Variants in PPFIA2 observed in about 807,000 individuals in gnomAD.
PPFIA2 encodes the protein liprin-alpha-2.
PPFIA2 carries 46 observed loss-of-function variants against 175.5 expected under a neutral mutation model. The ratio of observed to expected loss-of-function variants is 0.26; its 90% CI spans 0.21 to 0.34. The LOEUF is 0.34. PPFIA2 is among the 10% of genes least tolerant of loss of function. The probability of loss-of-function intolerance (pLI) is 1.00; values close to 1 mark genes in which losing one functional copy is unlikely to be tolerated. For synonymous variants in PPFIA2, 568 were observed against 511.4 expected (o/e 1.11, Z -1.49); for missense variants, 1,179 against 1,506.1 (o/e 0.78, Z 3.60).
intron 11 of PPFIA2, 150 bp from the exon 12 acceptor site, chr12:81,369,344 A>T: frequency 6.7e-7 from 1 of 1,490,334 alleles, no homozygotes; most frequent in Non-Finnish European, 8.9e-7. Context: ...GCAGCTGAAC[A>T]GCATTGCTTG....
intron 4 of PPFIA2, among the ~76,000 whole-genome samples, chr12:81,591,126 T>C (rs2058625083): frequency 1.1e-5 from 1 of 89,686 alleles, no homozygotes; most frequent in Non-Finnish European, 2.4e-5. Flanking sequence ...AGGATCTCTT[T>C]GGGAACTGGA....
At chr12:81,515,225 TG>T (rs927095196) in intron 4 of PPFIA2, among the ~76,000 whole-genome samples, 1 of 151,926 alleles carries the variant, frequency 6.6e-6, no homozygotes, top group African/African-American at 2.4e-5. Context: ...ATTCAAGTAA[TG>T]GGGGGTACAA....
At chr12:81,683,566 G>C (rs2074005495) in intron 3 of PPFIA2, among the ~76,000 whole-genome samples, 2 of 151,918 alleles carry the variant, frequency 1.3e-5, no homozygotes, top group Non-Finnish European at 1.5e-5. Context: ...TTTGGCTCTT[G>C]GCTATCTCTC....
intron 2 of PPFIA2, among the ~76,000 whole-genome samples, chr12:81,754,962 A>C (rs182864443): frequency 3.9e-5 from 6 of 152,332 alleles, no homozygotes; most frequent in Middle Eastern, 3.4e-3. Flanking sequence ...AAACTGAGGT[A>C]TATAAATTTG....
At position 81,593,297 on chromosome 12, in the gene PPFIA2, A is replaced by C. The variant is rs1479714054; in HGVS notation, c.303+83494T>G. ...ATATTAAAAAACAATAAAATTAAAA[A>C]ATTTCCTTGGTCACTCATGTATCTG... On this transcript the variant is annotated intron_variant, in intron 4 of 32. Coordinates refer to ENST00000549396, the MANE Select transcript of PPFIA2 (RefSeq NM_003625.5). Among the ~76,000 whole-genome samples the C allele has an allele frequency of 2.0e-5, 3 of 152,140 alleles. No homozygotes were observed. In the East Asian group the frequency reaches 5.8e-4, roughly 29 times the overall value.
At chr12:81,369,402 A>G (rs1303224411) in intron 11 of PPFIA2, 26 of 1,402,040 alleles carry the variant, frequency 1.9e-5, no homozygotes, top group African/African-American at 1.0e-4. Context: ...TCAGCAAAAC[A>G]TTGGAGTTAT....
chr12:81,498,649 G>A (rs1486803006), intron 4 of PPFIA2, among the ~76,000 whole-genome samples: 3 of 151,938 alleles, frequency 2.0e-5, no homozygotes, highest in African/African-American at 4.8e-5. Context: ...TATTGAGACG[G>A]AGTCTCACTC....
At chr12:81,555,698 C>T (rs927115101) in intron 4 of PPFIA2, among the ~76,000 whole-genome samples, 4 of 151,740 alleles carry the variant, frequency 2.6e-5, no homozygotes, top group Admixed American at 1.3e-4. Context: ...GAGCACAAAT[C>T]TGTAAGTCAG....
At chr12:81,738,006 T>A (rs1489822815) in intron 3 of PPFIA2, among the ~76,000 whole-genome samples, 1 of 151,496 alleles carries the variant, frequency 6.6e-6, no homozygotes, top group Non-Finnish European at 1.5e-5. Flanking sequence ...ACAATGTTAA[T>A]CTCTATGGAC....
At chr12:81,527,703 T>C (rs954072527) in intron 4 of PPFIA2, among the ~76,000 whole-genome samples, 2 of 152,090 alleles carry the variant, frequency 1.3e-5, no homozygotes. Context: ...CCCAAATTCG[T>C]ATGTTGGAAC....
chr12:81,663,004 C>A (rs910334698), intron 4 of PPFIA2, among the ~76,000 whole-genome samples: 2 of 152,248 alleles, frequency 1.3e-5, no homozygotes, highest in African/African-American at 4.8e-5. Context: ...ATTCAACAGC[C>A]CTTCATGCTA....
chr12:81,514,888 C>T (rs905987362), intron 4 of PPFIA2, among the ~76,000 whole-genome samples: 1 of 151,874 alleles, frequency 6.6e-6, no homozygotes, highest in Non-Finnish European at 1.5e-5. Context: ...TAAGCTGTCA[C>T]TTATGCTTTT....
intron 22 of PPFIA2, among the ~76,000 whole-genome samples, chr12:81,302,348 G>A (rs1374639682): frequency 4.6e-5 from 7 of 152,192 alleles, no homozygotes; most frequent in African/African-American, 1.7e-4. Flanking sequence ...TGGTTAAGAG[G>A]CAACCCAATG....
Position 81,429,520 on chromosome 12 carries a change from A to G in PPFIA2, c.645+10452T>C, listed in dbSNP as rs563551487. ...CAAATTCCTTAATAGAGTATTGTTC[A>G]GCAAATCTCCTACTTTCTCCATGTT... On this transcript the variant is annotated intron_variant, in intron 7 of 32. Coordinates refer to ENST00000549396, the MANE Select transcript of PPFIA2 (RefSeq NM_003625.5). Among the ~76,000 whole-genome samples, 56 of 152,148 alleles carry G rather than the reference A, an allele frequency of 3.7e-4. 1 individual carries two copies. The highest frequency in any genetic ancestry group is 1.4e-3 in the East Asian group (7 of 5,184).
intron 3 of PPFIA2, among the ~76,000 whole-genome samples, chr12:81,730,161 C>T (rs1000220605): frequency 3.3e-5 from 5 of 151,516 alleles, no homozygotes; most frequent in Non-Finnish European, 7.4e-5. Context: ...TCCTTTCCTC[C>T]TTTGCATAGA....
At chr12:81,607,976 C>T (rs1213706963) in intron 4 of PPFIA2, among the ~76,000 whole-genome samples, 1 of 151,854 alleles carries the variant, frequency 6.6e-6, no homozygotes, top group Non-Finnish European at 1.5e-5. Context: ...CCTTTGATGC[C>T]TAGTCTGTTG....
chr12:81,727,777 G>C (rs2080285604), intron 3 of PPFIA2, among the ~76,000 whole-genome samples: 1 of 151,366 alleles, frequency 6.6e-6, no homozygotes, highest in Non-Finnish European at 1.5e-5. Flanking sequence ...CCTGATGTAA[G>C]AGATTTATAT....
chr12:81,365,266 G>A (rs2032791121), intron 14 of PPFIA2, among the ~76,000 whole-genome samples: 1 of 151,826 alleles, frequency 6.6e-6, no homozygotes, highest in Non-Finnish European at 1.5e-5. Flanking sequence ...AGTACAGTTA[G>A]TTTAGTGGAA....
chr12:81,359,693 C>G, intron 15 of PPFIA2, among the ~76,000 whole-genome samples: 1 of 151,832 alleles, frequency 6.6e-6, no homozygotes, highest in Admixed American at 6.6e-5. Context: ...TTTCCTGTGG[C>G]TGCTTACCTT....
Sources: allele counts gnomAD v4.1 joint callset (sites outside exome capture counted in the v4.1 genomes callset), GRCh38; gene constraint gnomAD v4.1.1; transcripts MANE v1.5; gene names NCBI Gene and HGNC (gene_info 2026-07-23, HGNC 2026-07-21).